Variants in SLC25A19 observed in about 807,000 individuals in gnomAD.
SLC25A19 encodes the protein solute carrier family 25 member 19.
SLC25A19 carries 18 observed loss-of-function variants against 27.9 expected under a neutral mutation model. The observed-to-expected ratio is 0.64, with a 90% confidence interval of 0.45 to 0.96. The LOEUF (loss-of-function observed/expected upper bound fraction) is 0.96. SLC25A19 is among the 40% of genes least tolerant of loss of function. SLC25A19 has a pLI of 0.00. For missense variants in SLC25A19, 371 were observed against 418.3 expected (o/e 0.89, Z 0.99); for synonymous variants, 169 against 167.1 (o/e 1.01, Z -0.09).
rs768770932 is a variant in SLC25A19 at position 75,286,373 on chromosome 17, C to T, written c.219G>A (p.Glu73=). ...GTCCTTTCCAGAAAGCTGTCGGACCCTCCTCCTGCAGAATCTGCCTAGAGG... is the reference window on the plus strand; with the variant it reads ...GTCCTTTCCAGAAAGCTGTCGGACCTTCCTCCTGCAGAATCTGCCTAGAGG... ...LQASRQILQE[E]GPTAFWKGHV... is the part of the protein sequence containing the mutation. The change falls in exon 4 of 8, where the codon GAG becomes GAA. Residue 73 remains glutamate (E), a synonymous_variant. Transcript: ENST00000416858. The T allele has an allele frequency of 1.1e-5, 17 of 1,614,168 alleles. No homozygotes were observed. Among genetic ancestry groups the T allele is most frequent in the East Asian group, 6.7e-5 (3 of 44,880 alleles).
chr17:75,279,786 C>T (rs990767680), intron 5 of SLC25A19, among the ~76,000 whole-genome samples: 1 of 152,142 alleles, frequency 6.6e-6, no homozygotes, highest in Non-Finnish European at 1.5e-5. Flanking sequence ...GGATTACAGG[C>T]GAGAGCCATC....
intron 7 of SLC25A19, among the ~76,000 whole-genome samples, chr17:75,277,093 G>T (rs755826666): frequency 2.6e-5 from 4 of 151,856 alleles, no homozygotes; most frequent in Non-Finnish European, 5.9e-5. Context: ...GGGAAACAGA[G>T]TGAGACCCTG....
At chr17:75,284,881 A>AGG (rs1397384153) in intron 4 of SLC25A19, among the ~76,000 whole-genome samples, 1 of 149,530 alleles carries the variant, frequency 6.7e-6, no homozygotes, top group African/African-American at 2.5e-5. Context: ...GAGCTCAAGC[A>AGG]ATCTGCCCGC....
chr17:75,286,964 G>A, intron 2 of SLC25A19, 162 bp from the exon 3 acceptor site: 1 of 641,968 alleles, frequency 1.6e-6, no homozygotes, highest in Non-Finnish European at 2.7e-6. Flanking sequence ...ACTTTCGGAG[G>A]CCGAGGTGGG....
Position 75,283,543 on chromosome 17 carries a change from A to G in SLC25A19, c.339T>C (p.Tyr113=), listed in dbSNP as rs7213318. ...AGTGCACTGAGAATTCCCGGGCGTCATACACGCTGCCTCTGTGGACCAGCT... is the reference window on the plus strand; with the variant it reads ...AGTGCACTGAGAATTCCCGGGCGTCGTACACGCTGCCTCTGTGGACCAGCT... ...LTELVHRGSV[Y]DAREFSVHFV... is the part of the protein sequence containing the mutation. The change falls in exon 5 of 8, where the codon TAT becomes TAC. Residue 113 remains tyrosine, a synonymous_variant. Coordinates refer to ENST00000416858, the MANE Select transcript of SLC25A19 (RefSeq NM_001126121.2). 0.98 allele frequency: 1,582,495 copies of G among 1,613,560 alleles called. 777,764 individuals carry two copies. The highest frequency in any genetic ancestry group is 1 in the Non-Finnish European group (1,178,222 of 1,179,838).
chr17:75,283,990 T>G (rs2078120242), intron 4 of SLC25A19, among the ~76,000 whole-genome samples: 1 of 151,974 alleles, frequency 6.6e-6, no homozygotes, highest in Non-Finnish European at 1.5e-5. Context: ...GGCGGGCACC[T>G]GTAGTCCCAG....
Position 75,286,622 on chromosome 17 carries a change from G to T in SLC25A19, c.132+11C>A. 1 of 1,614,130 alleles carries T rather than the reference G, an allele frequency of 6.2e-7. No homozygotes were observed. The highest frequency in any genetic ancestry group is 8.5e-7 in the Non-Finnish European group (1 of 1,180,038). On this transcript the variant is annotated intron_variant, in intron 3 of 7. Coordinates refer to ENST00000416858, the MANE Select transcript of SLC25A19 (RefSeq NM_001126121.2). Reference sequence around the variant, plus strand: ...CCTCCAGTCCATTGCATGGAAAAAGGGGAAGAGTACCTGGAAACGGATCTT... The same window carrying T: ...CCTCCAGTCCATTGCATGGAAAAAGTGGAAGAGTACCTGGAAACGGATCTT...
At chr17:75,277,964 C>T (rs2077934672) in intron 6 of SLC25A19, among the ~76,000 whole-genome samples, 188 bp downstream of exon 6, 2 of 152,080 alleles carry the variant, frequency 1.3e-5, no homozygotes, top group African/African-American at 2.4e-5. Flanking sequence ...ATGGGTGTGG[C>T]AGGAGCTGGA....
intron 2 of SLC25A19, chr17:75,287,597 C>A (rs1193582158): frequency 6.6e-6 from 1 of 152,158 alleles, no homozygotes; most frequent in Admixed American, 6.6e-5. Context: ...ATTGTTGGTC[C>A]CAGAGATCAA....
At chr17:75,283,084 G>T (rs2078082512) in intron 5 of SLC25A19, among the ~76,000 whole-genome samples, 1 of 151,234 alleles carries the variant, frequency 6.6e-6, no homozygotes, top group Non-Finnish European at 1.5e-5. Context: ...CGGATCGTGA[G>T]GTCAGGAGAT....
intron 4 of SLC25A19, among the ~76,000 whole-genome samples, chr17:75,283,920 C>A (rs1011170332): frequency 6.6e-6 from 1 of 152,110 alleles, no homozygotes; most frequent in African/African-American, 2.4e-5. Context: ...TCGAGACCAG[C>A]CGGGTCAACA....
At chr17:75,283,828 T>C (rs1227770742) in intron 4 of SLC25A19, among the ~76,000 whole-genome samples, 3 of 152,140 alleles carry the variant, frequency 2.0e-5, no homozygotes, top group East Asian at 1.9e-4. Context: ...TAAGAAGATA[T>C]ATGGGGGCCA....
rs889414040 is a variant in SLC25A19 at position 75,279,724 on chromosome 17, A to G, written c.460-1389T>C. Among the ~76,000 whole-genome samples the G allele has an allele frequency of 5.1e-4, 77 of 151,626 alleles. No homozygotes were observed. In the Middle Eastern group the frequency reaches 0.01, roughly 20 times the overall value. On this transcript the variant is annotated intron_variant, in intron 5 of 7. Transcript: ENST00000416858. ...GGGTTTCATCATGTTGGCCAGGATG[A>G]TCTCGATCTCCTGACCTTGTGATCC...
At chr17:75,282,266 A>G (rs1390610896) in intron 5 of SLC25A19, among the ~76,000 whole-genome samples, 1 of 145,234 alleles carries the variant, frequency 6.9e-6, no homozygotes, top group Non-Finnish European at 1.5e-5. Flanking sequence ...AAATATATAT[A>G]TAGGCCAGGT....
Position 75,286,673 on chromosome 17 carries a change from G to A in SLC25A19, c.92C>T (p.Ala31Val), listed in dbSNP as rs758036010. ...AGSVSGLVTR[A>V]LISPFDVIKI... Reference sequence around the variant, plus strand: ...GATGACGTCGAAGGGACTGATCAGCGCCCGAGTAACAAGTCCAGACACAGA... The same window carrying A: ...GATGACGTCGAAGGGACTGATCAGCACCCGAGTAACAAGTCCAGACACAGA... The change falls in exon 3 of 8, where the codon GCG becomes GTG. Residue 31 changes from alanine (A) to valine (V), a missense_variant. Physicochemically the swap from Ala to Val is moderately conservative, Grantham distance 64 (BLOSUM62 0). Coordinates refer to ENST00000416858, the MANE Select transcript of SLC25A19 (RefSeq NM_001126121.2). 6 of 1,613,992 alleles carry A rather than the reference G, an allele frequency of 3.7e-6. No individual in the cohort carries two copies. The highest frequency in any genetic ancestry group is 1.6e-4 in the Middle Eastern group (1 of 6,084).
chr17:75,279,616 G>A (rs931477705), intron 5 of SLC25A19, among the ~76,000 whole-genome samples: 1 of 147,114 alleles, frequency 6.8e-6, no homozygotes, highest in Non-Finnish European at 1.5e-5. Context: ...TCAAGCGATT[G>A]TCCTGCCTCA....
intron 4 of SLC25A19, among the ~76,000 whole-genome samples, chr17:75,284,505 T>C (rs1271491826): frequency 2.6e-5 from 4 of 152,190 alleles, no homozygotes; most frequent in Admixed American, 6.6e-5. Flanking sequence ...CTCTGATTCC[T>C]GCAGGGACCC....
chr17:75,277,256 G>A, intron 7 of SLC25A19, 97 bp downstream of exon 7: 1 of 1,515,298 alleles, frequency 6.6e-7, no homozygotes, highest in Non-Finnish European at 9.0e-7. Context: ...ATGGCCAGGG[G>A]TGATGTTGCC....
rs2077768710 is a variant in SLC25A19, at chr17:75,273,135, C to T, written c.*316G>A. 1 of 405,374 alleles carries T rather than the reference C, an allele frequency of 2.5e-6. No individual in the cohort carries two copies. The highest frequency in any genetic ancestry group is 4.6e-6 in the Non-Finnish European group (1 of 215,146). The allele number at this position is 405,374 out of a possible 1,614,324, so 25.1% of individuals were successfully genotyped here. On this transcript the variant is annotated 3_prime_UTR_variant, in exon 8 of 8. Transcript: ENST00000416858. ...CCAGGAGTGTGTTCTGTTCTCCTGG[C>T]AGGCAGGGCTGATAGGTGTAGGATG...
Sources: gnomAD v4.1 joint callset for allele counts (sites outside exome capture counted in the v4.1 genomes callset) on GRCh38, gnomAD v4.1.1 for gene constraint, MANE v1.5 for transcripts, NCBI Gene and HGNC (gene_info 2026-07-23, HGNC 2026-07-21) for gene names.